The following SHCBP1L variants were observed in gnomAD, a reference collection of about 807,000 sequenced individuals.
SHCBP1L encodes testicular spindle-associated protein SHCBP1L.
In SHCBP1L, 67 loss-of-function variants were observed where a neutral mutation model predicts 62.5. The observed-to-expected ratio is 1.07, with a 90% CI of 0.88 to 1.31. The LOEUF (loss-of-function observed/expected upper bound fraction) is 1.31. Among genes scored for constraint, SHCBP1L ranks in the 40% most tolerant of loss-of-function variants. The pLI is 0.00. For missense variants in SHCBP1L, 823 were observed against 809.8 expected (o/e 1.02, Z -0.20); for synonymous variants, 284 against 289.4 (o/e 0.98, Z 0.19).
intron 6 of SHCBP1L, among the ~76,000 whole-genome samples, chr1:182,905,934 G>GTAT (rs887828518): frequency 6.6e-6 from 1 of 151,792 alleles, no homozygotes; most frequent in African/African-American, 2.4e-5. Flanking sequence ...GTTCCTTGAC[G>GTAT]TATTATTATT....
intron 6 of SHCBP1L, among the ~76,000 whole-genome samples, chr1:182,911,790 A>G (rs965317068): frequency 6.6e-6 from 1 of 152,210 alleles, no homozygotes; most frequent in Non-Finnish European, 1.5e-5. Context: ...TGAAAGCACA[A>G]TAGAAATTAT....
Position 182,953,144 on chromosome 1 carries a change from G to T in SHCBP1L, c.-11C>A, listed in dbSNP as rs1219889955. The T allele has an allele frequency of 1.3e-6, 2 of 1,577,406 alleles. No individual in the cohort carries two copies. Among genetic ancestry groups the T allele is most frequent in the Non-Finnish European group, 1.7e-6 (2 of 1,170,186 alleles). On this transcript the variant is annotated 5_prime_UTR_variant, in exon 1 of 10. In the 5' UTR this introduces an upstream ATG that the reference lacks. Coordinates refer to ENST00000367547, the MANE Select transcript of SHCBP1L (RefSeq NM_030933.4). Reference sequence around the variant, plus strand: ...GGAGCCCGACGCCATCTCCTCAGCAGCCCGAGGGCCGAGGCAGCCGTTGGC... The same window carrying T: ...GGAGCCCGACGCCATCTCCTCAGCATCCCGAGGGCCGAGGCAGCCGTTGGC...
At chr1:182,934,536 T>C (rs1651107068) in intron 5 of SHCBP1L, among the ~76,000 whole-genome samples, 1 of 152,174 alleles carries the variant, frequency 6.6e-6, no homozygotes, top group South Asian at 2.1e-4. Flanking sequence ...AATTGGGTTG[T>C]TTGTTATGTT....
chr1:182,940,362 A>G lies in SHCBP1L; in HGVS notation c.737T>C (p.Ile246Thr), dbSNP rs370483470. The change falls in exon 3 of 10, where the codon ATA becomes ACA. Residue 246 changes from isoleucine to threonine, a missense_variant. Physicochemically the swap from Ile to Thr is moderately conservative, Grantham distance 89. Transcript: ENST00000367547. Reference protein sequence around the residue: ...VYPVEGQDTDIHVIALALEVV... With the variant: ...VYPVEGQDTDTHVIALALEVV... Reference sequence around the variant, plus strand: ...TTCCAAGGCCAAAGCAATAACATGTATATCAGTATCTTGTCCCTCAACAGG... The same window carrying G: ...TTCCAAGGCCAAAGCAATAACATGTGTATCAGTATCTTGTCCCTCAACAGG... 26 of 1,613,878 alleles carry G rather than the reference A, an allele frequency of 1.6e-5. No individual in the cohort carries two copies. Among genetic ancestry groups the G allele is most frequent in the Non-Finnish European group, 2.0e-5 (24 of 1,179,944 alleles).
chr1:182,907,125 G>T (rs1476020792), intron 6 of SHCBP1L, among the ~76,000 whole-genome samples: 2 of 151,792 alleles, frequency 1.3e-5, no homozygotes, highest in Non-Finnish European at 2.9e-5. Flanking sequence ...CAGTGTGAAG[G>T]ACTTTTAATA....
chr1:182,920,022 T>C (rs1003330718), intron 6 of SHCBP1L, among the ~76,000 whole-genome samples: 6 of 152,012 alleles, frequency 3.9e-5, no homozygotes, highest in African/African-American at 1.4e-4. Context: ...AATGCATACA[T>C]ACAAACACCA....
chr1:182,918,071 T>TATATATATGTATATATACAC (rs1183183707), intron 6 of SHCBP1L, among the ~76,000 whole-genome samples: 35 of 149,782 alleles, frequency 2.3e-4, no homozygotes, highest in African/African-American at 7.8e-4. Flanking sequence ...TCTCTCTCTA[T>TATATATATGTATATATACAC]ATATATATGT....
intron 6 of SHCBP1L, among the ~76,000 whole-genome samples, chr1:182,906,134 C>T (rs931897388): frequency 2.6e-5 from 4 of 152,042 alleles, no homozygotes; most frequent in African/African-American, 7.2e-5. Context: ...CGGGGTTTCT[C>T]CATGTTGGCC....
At chr1:182,934,619 A>G (rs1400475499) in intron 5 of SHCBP1L, among the ~76,000 whole-genome samples, 2 of 152,086 alleles carry the variant, frequency 1.3e-5, no homozygotes, top group East Asian at 1.9e-4. Flanking sequence ...ATTTTCTCCT[A>G]ATCTGTGGCT....
rs183296195 is a variant in SHCBP1L at position 182,919,971 on chromosome 1, C to T, written c.1182+9676G>A. Among the ~76,000 whole-genome samples, 664 of 152,238 alleles carry T rather than the reference C, an allele frequency of 4.4e-3. 5 individuals carry two copies. Among genetic ancestry groups the T allele is most frequent in the African/African-American group, 0.015 (633 of 41,530 alleles). ...CGTCACCACCCCTCCCCTACCAGCA[C>T]ACATGCATGCACACTTTGTTGTCCT... On this transcript the variant is annotated intron_variant, in intron 6 of 9. Coordinates refer to ENST00000367547, the MANE Select transcript of SHCBP1L (RefSeq NM_030933.4).
chr1:182,904,610 T>C (rs1042236862), intron 7 of SHCBP1L, among the ~76,000 whole-genome samples, 180 bp from the exon 8 acceptor site: 1 of 151,906 alleles, frequency 6.6e-6, no homozygotes. Flanking sequence ...GTTCTCGCTA[T>C]GTTGCCCAGG....
At chr1:182,915,794 A>G (rs1352191432) in intron 6 of SHCBP1L, among the ~76,000 whole-genome samples, 2 of 151,296 alleles carry the variant, frequency 1.3e-5, no homozygotes, top group Non-Finnish European at 2.9e-5. Context: ...TGTGAAAATT[A>G]AACAACGTAT....
intron 6 of SHCBP1L, among the ~76,000 whole-genome samples, chr1:182,921,132 C>G (rs1007957989): frequency 1.3e-5 from 2 of 152,138 alleles, no homozygotes; most frequent in Non-Finnish European, 2.9e-5. Context: ...AGAGGAGAGG[C>G]AGGTCACCTA....
Position 182,937,047 on chromosome 1 carries a change from C to T in SHCBP1L, c.1076+2129G>A, listed in dbSNP as rs559898312. Among the ~76,000 whole-genome samples the T allele has an allele frequency of 3.1e-4, 47 of 151,940 alleles. No individual in the cohort carries two copies. The Middle Eastern group carries it at 0.014, about 44-fold the overall frequency. On this transcript the variant is annotated intron_variant, in intron 5 of 9. Coordinates refer to ENST00000367547, the MANE Select transcript of SHCBP1L (RefSeq NM_030933.4). ...CCAGCCTGGGTGACAGGGCAAGACC[C>T]TGTCTCAGAAAAATAAATAAATAAA... is the stretch of plus-strand genomic sequence containing the variant.
At chr1:182,942,508 G>A in intron 2 of SHCBP1L, 1 of 615,160 alleles carries the variant, frequency 1.6e-6, no homozygotes, top group Non-Finnish European at 2.9e-6. Flanking sequence ...CGCCGCCCGA[G>A]CTACTGAGAC....
intron 6 of SHCBP1L, among the ~76,000 whole-genome samples, chr1:182,927,728 T>TCATGAA (rs1241603091): frequency 6.6e-6 from 1 of 151,986 alleles, no homozygotes; most frequent in East Asian, 1.9e-4. Context: ...AAGCTATATT[T>TCATGAA]CATGAACCTC....
chr1:182,906,187 C>T (rs1476676445), intron 6 of SHCBP1L, among the ~76,000 whole-genome samples: 1 of 152,080 alleles, frequency 6.6e-6, no homozygotes, highest in Non-Finnish European at 1.5e-5. Flanking sequence ...CCGCCCACCT[C>T]GACCTCCCAA....
At chr1:182,932,318 C>G (rs772035154) in intron 5 of SHCBP1L, among the ~76,000 whole-genome samples, 2 of 152,022 alleles carry the variant, frequency 1.3e-5, no homozygotes. Flanking sequence ...TATCAAGGAA[C>G]ATGATTGCTG....
At chr1:182,929,075 C>T (rs1650875295) in intron 6 of SHCBP1L, among the ~76,000 whole-genome samples, 1 of 152,098 alleles carries the variant, frequency 6.6e-6, no homozygotes, top group African/African-American at 2.4e-5. Flanking sequence ...ATTTGAAACG[C>T]TACTGAGAGG....
Sources: allele counts gnomAD v4.1 joint callset (sites outside exome capture counted in the v4.1 genomes callset), GRCh38; gene constraint gnomAD v4.1.1; transcripts MANE v1.5; gene names NCBI Gene and HGNC (gene_info 2026-07-23, HGNC 2026-07-21).